The following VTA1 variants were observed in gnomAD, a reference collection of about 807,000 sequenced individuals.
VTA1 encodes the protein vacuolar protein sorting-associated protein VTA1 homolog.
Under a neutral mutation model 36.9 loss-of-function variants are expected in VTA1, and 24 were observed. The ratio of observed to expected loss-of-function variants is 0.65; its 90% CI spans 0.47 to 0.91. The LOEUF (loss-of-function observed/expected upper bound fraction) is 0.91, where lower values mean the gene tolerates loss of function less well. Ranked by LOEUF, VTA1 falls within the 40% of genes least tolerant of loss-of-function variation. The probability of loss-of-function intolerance (pLI) is 0.00; values close to 1 mark genes in which losing one functional copy is unlikely to be tolerated. For synonymous variants in VTA1, 142 were observed against 130.2 expected, an observed-to-expected ratio of 1.09 and a Z score of -0.62; for missense variants, 393 against 377.2, an observed-to-expected ratio of 1.04 and a Z score of -0.35.
intron 1 of VTA1, among the ~76,000 whole-genome samples, chr6:142,157,744 CTA>C (rs1229897061): frequency 6.6e-6 from 1 of 151,990 alleles, no homozygotes; most frequent in Non-Finnish European, 1.5e-5. Flanking sequence ...ATTTCAATAA[CTA>C]TGCTTGATAT....
At chr6:142,213,003 T>C (rs1194300048) in intron 7 of VTA1, among the ~76,000 whole-genome samples, 1 of 152,178 alleles carries the variant, frequency 6.6e-6, no homozygotes, top group Non-Finnish European at 1.5e-5. Flanking sequence ...CAAATATCTC[T>C]TCTCAATAGT....
At chr6:142,158,484 C>T (rs560446770) in intron 1 of VTA1, among the ~76,000 whole-genome samples, 6 of 152,172 alleles carry the variant, frequency 3.9e-5, no homozygotes, top group African/African-American at 9.6e-5. Context: ...TGATCCATGG[C>T]GATTACTCGT....
At chr6:142,191,179 C>T in intron 5 of VTA1, among the ~76,000 whole-genome samples, 1 of 152,056 alleles carries the variant, frequency 6.6e-6, no homozygotes, top group East Asian at 1.9e-4. Flanking sequence ...CATAAATATA[C>T]TCAGAATATT....
At chr6:142,214,001 T>G (rs638804) in intron 7 of VTA1, among the ~76,000 whole-genome samples, 57,068 of 151,064 alleles carry the variant, frequency 0.38, 12,812 homozygotes, top group Middle Eastern at 0.53. Context: ...AAAACAGGGT[T>G]TTTTTTTTGT....
intron 4 of VTA1, among the ~76,000 whole-genome samples, chr6:142,181,455 TTA>T (rs10545343): frequency 0.38 from 55,212 of 143,534 alleles, 12,797 homozygotes; most frequent in East Asian, 0.82. Flanking sequence ...TTTTTATATT[TTA>T]TATATATATA....
chr6:142,158,446 T>C (rs1244218114), intron 1 of VTA1, among the ~76,000 whole-genome samples: 2 of 152,170 alleles, frequency 1.3e-5, no homozygotes, highest in Admixed American at 6.5e-5. Context: ...AATCAATTTT[T>C]CTATTTTTAT....
intron 1 of VTA1, among the ~76,000 whole-genome samples, chr6:142,165,797 A>G (rs1470317719): frequency 6.6e-6 from 1 of 152,148 alleles, no homozygotes; most frequent in Non-Finnish European, 1.5e-5. Context: ...TACTATAGCA[A>G]TTCTTTCTAT....
chr6:142,203,255 A>T (rs1386230840), intron 6 of VTA1, among the ~76,000 whole-genome samples: 2 of 151,934 alleles, frequency 1.3e-5, no homozygotes, highest in Non-Finnish European at 2.9e-5. Context: ...GCCTATTCGA[A>T]TTCAGTGTAT....
intron 5 of VTA1, 105 bp downstream of exon 5, chr6:142,189,639 GC>G: frequency 1.3e-6 from 1 of 773,420 alleles, no homozygotes; most frequent in Non-Finnish European, 2.0e-6. Flanking sequence ...TTTTCATCAG[GC>G]CCAGAATCAA....
intron 6 of VTA1, among the ~76,000 whole-genome samples, chr6:142,203,390 C>T (rs1002265503): frequency 6.6e-6 from 1 of 151,968 alleles, no homozygotes; most frequent in Non-Finnish European, 1.5e-5. Flanking sequence ...GAACTTTTAA[C>T]ACTTTTTGTT....
chr6:142,198,400 A>C (rs750775865), intron 5 of VTA1, 39 bp from the exon 6 acceptor site: 3 of 1,576,062 alleles, frequency 1.9e-6, no homozygotes, highest in Non-Finnish European at 2.6e-6. Context: ...TTGTATTTCA[A>C]AATACCTACT....
chr6:142,201,070 C>T (rs1775675499), intron 6 of VTA1, among the ~76,000 whole-genome samples: 1 of 151,832 alleles, frequency 6.6e-6, no homozygotes, highest in South Asian at 2.1e-4. Flanking sequence ...TTCTATGTTC[C>T]TTCCTCTAAG....
intron 5 of VTA1, among the ~76,000 whole-genome samples, chr6:142,195,284 C>A (rs1775521911): frequency 8.1e-6 from 1 of 123,704 alleles, no homozygotes; most frequent in African/African-American, 2.5e-5. Flanking sequence ...CTGTTCAGAT[C>A]ATCTCTTTTT....
rs1776065105 is a variant in VTA1 at position 142,219,583 on chromosome 6, T to C, written c.*940T>C. The C allele has an allele frequency of 6.6e-6, 1 of 152,224 alleles. No homozygotes were observed. The highest frequency in any genetic ancestry group is 2.1e-4 in the South Asian group (1 of 4,834). 9.4% of individuals were successfully genotyped at this position (152,224 alleles called of 1,614,324 possible). On this transcript the variant is annotated 3_prime_UTR_variant, in exon 8 of 8. Coordinates refer to ENST00000367630, the MANE Select transcript of VTA1 (RefSeq NM_016485.5). ...CTGTGTGAAAAATAAATACAAGGAT[T>C]CGTTTAGCTAATTCAACTTACTACA...
chr6:142,178,350 AT>A (rs1775165404), intron 4 of VTA1, among the ~76,000 whole-genome samples: 1 of 152,178 alleles, frequency 6.6e-6, no homozygotes, highest in African/African-American at 2.4e-5. Context: ...AGAATTCTAT[AT>A]ACAGCAAAGC....
At chr6:142,163,690 G>C (rs1774857143) in intron 1 of VTA1, among the ~76,000 whole-genome samples, 1 of 152,114 alleles carries the variant, frequency 6.6e-6, no homozygotes, top group Non-Finnish European at 1.5e-5. Context: ...AGAAGGCATG[G>C]GGGTGTGGGG....
chr6:142,166,451 A>G (rs1774916675), intron 2 of VTA1, 129 bp downstream of exon 2: 2 of 585,122 alleles, frequency 3.4e-6, no homozygotes, highest in East Asian at 5.9e-5. Flanking sequence ...TACCTGAGGA[A>G]AAACTAGTAA....
Position 142,208,820 on chromosome 6 carries a change from A to G in VTA1, c.778+4755A>G, listed in dbSNP as rs535395150. Among the ~76,000 whole-genome samples the G allele has an allele frequency of 3.4e-4, 52 of 152,334 alleles. No homozygotes were observed. In the South Asian group the frequency reaches 3.5e-3, roughly 10 times the overall value. ...TTGTGTCCAGCAAAATTGTCATTCA[A>G]ATATGAAGGAAAGATATAGTCTTTC... On this transcript the variant is annotated intron_variant, in intron 7 of 7. Coordinates refer to ENST00000367630, the MANE Select transcript of VTA1 (RefSeq NM_016485.5).
Position 142,220,127 on chromosome 6 carries a change from CA to C in VTA1, c.*1490del, listed in dbSNP as rs1776080183. On this transcript the variant is annotated 3_prime_UTR_variant, in exon 8 of 8. Coordinates refer to ENST00000367630, the MANE Select transcript of VTA1 (RefSeq NM_016485.5). ...CTGACTAAACTGTTCTAAATCCTCA[CA>C]AAAAAGTCCCCAAACAACATGCCTC... 1 of 152,118 alleles carries C rather than the reference CA, an allele frequency of 6.6e-6. No individual in the cohort carries two copies. The highest frequency in any genetic ancestry group is 2.1e-4 in the South Asian group (1 of 4,828). 9.4% of individuals were successfully genotyped at this position (152,118 alleles called of 1,614,324 possible).
Sources: allele counts gnomAD v4.1 joint callset (sites outside exome capture counted in the v4.1 genomes callset), GRCh38; gene constraint gnomAD v4.1.1; transcripts MANE v1.5; gene names NCBI Gene and HGNC (gene_info 2026-07-23, HGNC 2026-07-21).